Variants in ARHGAP15 observed in about 807,000 individuals in gnomAD.
ARHGAP15 encodes rho GTPase-activating protein 15.
Under a neutral mutation model 63.7 loss-of-function variants are expected in ARHGAP15, and 51 were observed. That is an observed-to-expected ratio of 0.80 (90% CI 0.64 to 1.01). ARHGAP15 has a LOEUF of 1.01. Ranked by LOEUF, ARHGAP15 falls within the 50% of genes least tolerant of loss-of-function variation. The pLI is 0.00. For missense variants in ARHGAP15, 560 were observed against 564.6 expected (o/e 0.99, Z 0.08); for synonymous variants, 191 against 193.8 (o/e 0.99, Z 0.12).
intron 6 of ARHGAP15, among the ~76,000 whole-genome samples, chr2:143,257,036 AC>A (rs909002458): frequency 3.3e-5 from 5 of 152,234 alleles, no homozygotes; most frequent in African/African-American, 1.2e-4. Context: ...AAATAATAAA[AC>A]TTTTTTAAAA....
intron 6 of ARHGAP15, among the ~76,000 whole-genome samples, chr2:143,389,911 C>A (rs1379623290): frequency 1.3e-5 from 2 of 151,646 alleles, no homozygotes; most frequent in Non-Finnish European, 2.9e-5. Flanking sequence ...TGCAATGGCC[C>A]TACTCCTTTT....
At chr2:143,417,542 T>A (rs951399835) in intron 6 of ARHGAP15, among the ~76,000 whole-genome samples, 3 of 152,192 alleles carry the variant, frequency 2.0e-5, no homozygotes, top group Non-Finnish European at 4.4e-5. Flanking sequence ...TGCATTTAAT[T>A]GTTGCCACAT....
At chr2:143,386,465 A>G (rs1249826244) in intron 6 of ARHGAP15, among the ~76,000 whole-genome samples, 2 of 152,176 alleles carry the variant, frequency 1.3e-5, no homozygotes, top group Non-Finnish European at 2.9e-5. Flanking sequence ...AGAAAAATCA[A>G]TGCCTACTGA....
intron 9 of ARHGAP15, among the ~76,000 whole-genome samples, chr2:143,512,446 A>G (rs1693631362): frequency 6.6e-6 from 1 of 152,210 alleles, no homozygotes; most frequent in South Asian, 2.1e-4. Flanking sequence ...AGGGAATCTC[A>G]GGGTGTTCTT....
intron 6 of ARHGAP15, among the ~76,000 whole-genome samples, chr2:143,305,095 G>A (rs1683106786): frequency 1.3e-5 from 2 of 152,018 alleles, no homozygotes; most frequent in South Asian, 4.2e-4. Context: ...ATCAATGATA[G>A]ACTGCATAAA....
At chr2:143,252,005 C>T (rs556958182) in intron 6 of ARHGAP15, among the ~76,000 whole-genome samples, 10 of 151,876 alleles carry the variant, frequency 6.6e-5, no homozygotes, top group African/African-American at 1.9e-4. Flanking sequence ...TGAAGTAGAC[C>T]GGGAAAGCTC....
chr2:143,765,946 C>T (rs190953079), intron 13 of ARHGAP15, among the ~76,000 whole-genome samples: 3 of 152,250 alleles, frequency 2.0e-5, no homozygotes, highest in South Asian at 4.1e-4. Context: ...TTGCTTAGAA[C>T]AGTAGTTGAT....
At chr2:143,377,442 C>A (rs1432226284) in intron 6 of ARHGAP15, among the ~76,000 whole-genome samples, 1 of 151,222 alleles carries the variant, frequency 6.6e-6, no homozygotes, top group Admixed American at 6.6e-5. Context: ...ATAATAATGC[C>A]CAAAGTGTCT....
chr2:143,322,144 C>T (rs922878061), intron 6 of ARHGAP15, among the ~76,000 whole-genome samples: 4 of 152,042 alleles, frequency 2.6e-5, no homozygotes, highest in Non-Finnish European at 4.4e-5. Context: ...CCAATGAGGC[C>T]GCTCAACCAC....
At chr2:143,178,899 C>T (rs1004249886) in intron 2 of ARHGAP15, among the ~76,000 whole-genome samples, 1 of 152,230 alleles carries the variant, frequency 6.6e-6, no homozygotes, top group African/African-American at 2.4e-5. Flanking sequence ...CACCGCTTTT[C>T]ATCGCCAGTC....
chr2:143,375,037 AAG>A (rs1686742260), intron 6 of ARHGAP15, among the ~76,000 whole-genome samples: 1 of 152,228 alleles, frequency 6.6e-6, no homozygotes, highest in Non-Finnish European at 1.5e-5. Flanking sequence ...ATGAAAAAAT[AAG>A]AGGTTAGAAA....
intron 2 of ARHGAP15, among the ~76,000 whole-genome samples, chr2:143,165,371 G>A (rs1010412504): frequency 2.0e-5 from 3 of 152,028 alleles, no homozygotes; most frequent in Admixed American, 6.6e-5. Context: ...TTCCCACAGG[G>A]TAAAATAAAG....
intron 12 of ARHGAP15, among the ~76,000 whole-genome samples, chr2:143,663,554 C>A: frequency 6.6e-6 from 1 of 150,930 alleles, no homozygotes; most frequent in South Asian, 2.1e-4. Flanking sequence ...GGATCAAATT[C>A]ACACATAACA....
intron 8 of ARHGAP15, among the ~76,000 whole-genome samples, chr2:143,461,084 G>A (rs1690910010): frequency 6.6e-6 from 1 of 152,026 alleles, no homozygotes; most frequent in African/African-American, 2.4e-5. Context: ...CGGGTCAGGA[G>A]TTTGAGACCA....
At chr2:143,270,480 T>C (rs1681220627) in intron 6 of ARHGAP15, among the ~76,000 whole-genome samples, 1 of 152,208 alleles carries the variant, frequency 6.6e-6, no homozygotes, top group Admixed American at 6.5e-5. Context: ...ATTGGTGATA[T>C]TTAATATGTT....
At chr2:143,189,653 G>A (rs1691601247) in intron 2 of ARHGAP15, among the ~76,000 whole-genome samples, 1 of 151,692 alleles carries the variant, frequency 6.6e-6, no homozygotes, top group South Asian at 2.1e-4. Context: ...GTTAGGATGG[G>A]GTTTCACCAT....
intron 13 of ARHGAP15, among the ~76,000 whole-genome samples, chr2:143,706,800 G>C (rs1684348381): frequency 6.6e-6 from 1 of 152,178 alleles, no homozygotes; most frequent in Admixed American, 6.5e-5. Flanking sequence ...CCGTCAGCCA[G>C]AAACCTTTAT....
chr2:143,355,775 C>T (rs1242638448), intron 6 of ARHGAP15, among the ~76,000 whole-genome samples: 2 of 152,054 alleles, frequency 1.3e-5, no homozygotes, highest in Non-Finnish European at 2.9e-5. Context: ...GTTATGGGCA[C>T]ATTTAACAGT....
intron 6 of ARHGAP15, among the ~76,000 whole-genome samples, chr2:143,416,263 AAAAC>A (rs138165920): frequency 0.049 from 7,499 of 152,172 alleles, 246 homozygotes; most frequent in East Asian, 0.14. Flanking sequence ...TAAAAAAACA[AAAAC>A]AAAGGGTGAA....
Sources: allele counts gnomAD v4.1 joint callset (sites outside exome capture counted in the v4.1 genomes callset), GRCh38; gene constraint gnomAD v4.1.1; transcripts MANE v1.5; gene names NCBI Gene and HGNC (gene_info 2026-07-23, HGNC 2026-07-21).